Variants in NEK11 observed in about 807,000 individuals in gnomAD.
The protein encoded by NEK11 is serine/threonine-protein kinase Nek11.
NEK11 carries 72 observed loss-of-function variants against 80.7 expected under a neutral mutation model. The ratio of observed to expected loss-of-function variants is 0.89; its 90% CI spans 0.74 to 1.08. The LOEUF (loss-of-function observed/expected upper bound fraction) is 1.08. NEK11 is among the 50% of genes least tolerant of loss of function. The pLI is 0.00. For missense variants in NEK11, 764 were observed against 763.6 expected, an observed-to-expected ratio of 1.00 and a Z score of -0.01; for synonymous variants, 251 against 260.7, an observed-to-expected ratio of 0.96 and a Z score of 0.36.
chr3:131,106,374 C>T (rs1332477438), intron 4 of NEK11, among the ~76,000 whole-genome samples: 1 of 151,216 alleles, frequency 6.6e-6, no homozygotes, highest in African/African-American at 2.4e-5. Context: ...TCTATCTTAC[C>T]TCTATTTGAC....
chr3:131,286,372 A>C (rs2096470679), intron 17 of NEK11, among the ~76,000 whole-genome samples: 1 of 152,018 alleles, frequency 6.6e-6, no homozygotes, highest in African/African-American at 2.4e-5. Flanking sequence ...TTTCTTGTTC[A>C]TGTTTCTTTT....
intron 10 of NEK11, among the ~76,000 whole-genome samples, chr3:131,156,667 GTTCCC>G (rs1579245441): frequency 6.6e-6 from 1 of 152,096 alleles, no homozygotes; most frequent in East Asian, 1.9e-4. Context: ...TCAAATTCTA[GTTCCC>G]AGGTAATACT....
intron 16 of NEK11, among the ~76,000 whole-genome samples, chr3:131,255,052 GAC>G (rs1491050094): frequency 1.3e-3 from 117 of 88,552 alleles, no homozygotes; most frequent in Admixed American, 3.2e-3. Flanking sequence ...GAGAGAGAGA[GAC>G]AGACAGACAG....
At chr3:131,333,492 G>A (rs577624576) in intron 17 of NEK11, among the ~76,000 whole-genome samples, 80 of 152,158 alleles carry the variant, frequency 5.3e-4, no homozygotes, top group African/African-American at 7.2e-4. Flanking sequence ...AGGAACAACC[G>A]GTACCAGCCA....
chr3:131,209,347 G>A (rs565539711), intron 14 of NEK11, among the ~76,000 whole-genome samples: 1 of 152,304 alleles, frequency 6.6e-6, no homozygotes, highest in Admixed American at 6.5e-5. Context: ...TGGTGGATAA[G>A]CTTTTTTGAT....
At chr3:131,092,293 G>T (rs1483287920) in intron 4 of NEK11, among the ~76,000 whole-genome samples, 1 of 152,190 alleles carries the variant, frequency 6.6e-6, no homozygotes, top group East Asian at 1.9e-4. Flanking sequence ...ATGTACAACA[G>T]ATGGCTGTAT....
rs1005508438 is a variant in NEK11 at position 131,228,463 on chromosome 3, C to T, written c.1400-65C>T. 1.9e-5 allele frequency: 26 copies of T among 1,367,686 alleles called. No individual in the cohort carries two copies. In the East Asian group the frequency reaches 4.9e-4, roughly 26 times the overall value. The allele number at this position is 1,367,686 out of a possible 1,614,324, so 84.7% of individuals were successfully genotyped here. ...AAATATACATCCCTGTGAAAAGATA[C>T]AGTATTCTTACCTCATTATAATTTT... is the stretch of plus-strand genomic sequence containing the variant. On this transcript the variant is annotated intron_variant, in intron 14 of 17. Coordinates refer to ENST00000383366, the MANE Select transcript of NEK11 (RefSeq NM_024800.5).
In NEK11 at chr3:131,027,026, T is replaced by C. The variant is rs1051215186; in HGVS notation, c.-170+20T>C. The C allele has an allele frequency of 6.6e-6, 1 of 152,274 alleles. No homozygotes were observed. The highest frequency in any genetic ancestry group is 1.5e-5 in the Non-Finnish European group (1 of 68,130). The allele number at this position is 152,274 out of a possible 1,614,324, so 9.4% of individuals were successfully genotyped here. Reference sequence around the variant, plus strand: ...GGAAAGGTAAAGCGAACTGTCCTCCTTGGGGCTAGCCAGGCTCCCCTGCGA... The same window carrying C: ...GGAAAGGTAAAGCGAACTGTCCTCCCTGGGGCTAGCCAGGCTCCCCTGCGA... On this transcript the variant is annotated intron_variant, in intron 1 of 17. Transcript: ENST00000383366.
intron 16 of NEK11, among the ~76,000 whole-genome samples, chr3:131,265,269 G>A (rs1031611270): frequency 6.6e-6 from 1 of 152,182 alleles, no homozygotes; most frequent in Non-Finnish European, 1.5e-5. Context: ...GGAGTGATGA[G>A]AGAGGTCATT....
intron 16 of NEK11, among the ~76,000 whole-genome samples, chr3:131,268,667 C>T (rs931640279): frequency 2.6e-5 from 4 of 152,226 alleles, no homozygotes; most frequent in Admixed American, 6.5e-5. Flanking sequence ...GGGCACCCAC[C>T]AGATGCCAGC....
intron 17 of NEK11, among the ~76,000 whole-genome samples, chr3:131,291,089 G>T (rs72991573): frequency 0.12 from 17,999 of 151,932 alleles, 1,504 homozygotes; most frequent in East Asian, 0.3. Context: ...TCTGTACTCT[G>T]CTTAGTCATC....
At chr3:131,276,830 T>C (rs1391831669) in intron 17 of NEK11, among the ~76,000 whole-genome samples, 7 of 152,208 alleles carry the variant, frequency 4.6e-5, no homozygotes, top group Admixed American at 2.6e-4. Flanking sequence ...CAGATTTCAT[T>C]GATTATCCCA....
intron 15 of NEK11, among the ~76,000 whole-genome samples, chr3:131,233,654 C>T (rs1211595204): frequency 6.6e-6 from 1 of 152,136 alleles, no homozygotes. Flanking sequence ...AGATATAAAT[C>T]CAGTCCCTCT....
intron 16 of NEK11, among the ~76,000 whole-genome samples, chr3:131,271,049 G>C (rs2096175051): frequency 6.6e-6 from 1 of 152,146 alleles, no homozygotes; most frequent in Non-Finnish European, 1.5e-5. Flanking sequence ...CACTCCCCAA[G>C]CTTCCTGGGG....
At chr3:131,188,764 A>T (rs2093685516) in intron 14 of NEK11, among the ~76,000 whole-genome samples, 1 of 152,150 alleles carries the variant, frequency 6.6e-6, no homozygotes, top group Non-Finnish European at 1.5e-5. Flanking sequence ...AGTGAGCAAG[A>T]CAGACTTGGT....
At chr3:131,342,459 C>CT (rs1264340186) in intron 17 of NEK11, among the ~76,000 whole-genome samples, 2 of 151,704 alleles carry the variant, frequency 1.3e-5, no homozygotes, top group East Asian at 3.8e-4. Flanking sequence ...CCTGTGTTCT[C>CT]TTAAGGCTTT....
intron 5 of NEK11, among the ~76,000 whole-genome samples, chr3:131,112,663 A>C (rs1290963969): frequency 6.6e-6 from 1 of 152,214 alleles, no homozygotes; most frequent in Admixed American, 6.5e-5. Context: ...CATTTGGAGA[A>C]TCAATGGAGG....
At chr3:131,064,974 T>G (rs1335517623) in intron 3 of NEK11, among the ~76,000 whole-genome samples, 2 of 152,172 alleles carry the variant, frequency 1.3e-5, no homozygotes, top group Non-Finnish European at 2.9e-5. Context: ...AGAGACAGTG[T>G]GTCCCAGACA....
intron 13 of NEK11, among the ~76,000 whole-genome samples, chr3:131,169,344 T>C (rs746679950): frequency 9.2e-5 from 14 of 152,274 alleles, no homozygotes; most frequent in Non-Finnish European, 1.6e-4. Flanking sequence ...GAATCAGAGT[T>C]ATGGGAGAGA....
Sources: gnomAD v4.1 joint callset for allele counts (sites outside exome capture counted in the v4.1 genomes callset) on GRCh38, gnomAD v4.1.1 for gene constraint, MANE v1.5 for transcripts, NCBI Gene and HGNC (gene_info 2026-07-23, HGNC 2026-07-21) for gene names.